The following NPAS3 variants were observed in gnomAD, a reference collection of about 807,000 sequenced individuals.
NPAS3 encodes neuronal PAS domain-containing protein 3.
In NPAS3, 14 loss-of-function variants were observed where a neutral mutation model predicts 73.1. The observed-to-expected ratio is 0.19, with a 90% CI of 0.13 to 0.30. The LOEUF (loss-of-function observed/expected upper bound fraction) is 0.30, where lower values mean the gene tolerates loss of function less well. Ranked by LOEUF, NPAS3 falls within the 10% of genes least tolerant of loss-of-function variation. The pLI, the probability that NPAS3 is intolerant of heterozygous loss-of-function variation, is 1.00. For missense variants in NPAS3, 1,096 were observed against 1,250.0 expected, an observed-to-expected ratio of 0.88 and a Z score of 1.86; for synonymous variants, 620 against 541.5, an observed-to-expected ratio of 1.14 and a Z score of -2.01.
chr14:33,554,600 C>A (rs2139715277), intron 4 of NPAS3, among the ~76,000 whole-genome samples: 1 of 152,318 alleles, frequency 6.6e-6, no homozygotes, highest in East Asian at 1.9e-4. Flanking sequence ...TAATTCTTCT[C>A]TCTAACTGGA....
At chr14:33,244,652 G>C (rs1336195847) in intron 3 of NPAS3, among the ~76,000 whole-genome samples, 2 of 152,058 alleles carry the variant, frequency 1.3e-5, no homozygotes, top group African/African-American at 4.8e-5. Context: ...GAGGCTAAAT[G>C]GCCTCTAAGT....
At chr14:33,476,953 T>C (rs2139667825) in intron 4 of NPAS3, among the ~76,000 whole-genome samples, 1 of 152,290 alleles carries the variant, frequency 6.6e-6, no homozygotes, top group South Asian at 2.1e-4. Flanking sequence ...CTTTCTAAAA[T>C]CTTAAGAGGC....
At chr14:33,302,025 G>C (rs1192266177) in intron 3 of NPAS3, among the ~76,000 whole-genome samples, 1 of 152,052 alleles carries the variant, frequency 6.6e-6, no homozygotes, top group East Asian at 1.9e-4. Flanking sequence ...CCTCCGGAGG[G>C]GTGGCTTATG....
At chr14:33,521,663 A>G (rs2053562412) in intron 4 of NPAS3, among the ~76,000 whole-genome samples, 1 of 152,104 alleles carries the variant, frequency 6.6e-6, no homozygotes, top group African/African-American at 2.4e-5. Flanking sequence ...TCATTCTTGT[A>G]TTGACCATTT....
At chr14:33,183,680 G>A (rs1458950258) in intron 2 of NPAS3, among the ~76,000 whole-genome samples, 1 of 151,722 alleles carries the variant, frequency 6.6e-6, no homozygotes, top group Non-Finnish European at 1.5e-5. Flanking sequence ...TAGTCTTCAT[G>A]GAATTCAGAG....
chr14:33,778,684 G>A, intron 9 of NPAS3, 112 bp downstream of exon 9: 1 of 702,718 alleles, frequency 1.4e-6, no homozygotes, highest in South Asian at 1.6e-5. Context: ...CATTTCAGAT[G>A]ACTGTCAGTG....
At chr14:32,987,701 G>A (rs2038153972) in intron 1 of NPAS3, among the ~76,000 whole-genome samples, 1 of 152,064 alleles carries the variant, frequency 6.6e-6, no homozygotes, top group African/African-American at 2.4e-5. Flanking sequence ...AAACTTAAAA[G>A]TGTAAATTTT....
chr14:33,642,133 C>T (rs1340822093), intron 5 of NPAS3, among the ~76,000 whole-genome samples: 1 of 152,062 alleles, frequency 6.6e-6, no homozygotes, highest in Admixed American at 6.5e-5. Flanking sequence ...CAGAGGGCAG[C>T]GCTGAAGTTT....
chr14:33,402,113 G>T lies in NPAS3; in HGVS notation c.468+34845G>T, dbSNP rs114512340. Among the ~76,000 whole-genome samples the T allele has an allele frequency of 4.7e-3, 712 of 151,958 alleles. 5 individuals carry two copies. Among genetic ancestry groups the T allele is most frequent in the African/African-American group, 0.016 (659 of 41,456 alleles). ...AGTCTGTTGCCCAGTAGACATTCTT[G>T]GTACAAAGTCCTTCTATGGGTCTGA... On this transcript the variant is annotated intron_variant, in intron 4 of 11. Coordinates refer to ENST00000356141, the Ensembl canonical transcript of NPAS3.
chr14:33,507,845 TAC>T (rs1193314162), intron 4 of NPAS3, among the ~76,000 whole-genome samples: 3 of 152,068 alleles, frequency 2.0e-5, no homozygotes, highest in Non-Finnish European at 4.4e-5. Flanking sequence ...TTGTTCATGG[TAC>T]ACACACATAA....
At chr14:33,006,659 G>A (rs1373181342) in intron 1 of NPAS3, among the ~76,000 whole-genome samples, 1 of 152,152 alleles carries the variant, frequency 6.6e-6, no homozygotes, top group African/African-American at 2.4e-5. Context: ...AATGCAATGG[G>A]TGGACTCATT....
intron 3 of NPAS3, among the ~76,000 whole-genome samples, chr14:33,308,710 G>A (rs1405461068): frequency 4.0e-5 from 6 of 151,330 alleles, no homozygotes; most frequent in South Asian, 2.1e-4. Flanking sequence ...TAATTTTCCC[G>A]GTTGATCTTT....
At chr14:33,430,097 A>G (rs1186907750) in intron 4 of NPAS3, among the ~76,000 whole-genome samples, 2 of 152,010 alleles carry the variant, frequency 1.3e-5, no homozygotes, top group Admixed American at 1.3e-4. Flanking sequence ...TATTTTAAAA[A>G]CCTCAGGAAA....
intron 3 of NPAS3, among the ~76,000 whole-genome samples, chr14:33,267,900 C>T (rs1042309336): frequency 1.2e-4 from 18 of 152,294 alleles, no homozygotes; most frequent in African/African-American, 2.9e-4. Flanking sequence ...AAGAGCCAGT[C>T]GTACTCACTC....
chr14:33,773,835 T>C lies in NPAS3; in HGVS notation c.853-502T>C, dbSNP rs373310314. Among the ~76,000 whole-genome samples, 7 of 152,332 alleles carry C rather than the reference T, an allele frequency of 4.6e-5. No individual in the cohort carries two copies. In the South Asian group the frequency reaches 1.5e-3, roughly 32 times the overall value. The stretch of plus-strand genomic sequence containing the variant: ...ATCTATCCTTGAAAGAACCCATTCA[T>C]GTCATTGCCACTGAGTGTTTTATTC... On this transcript the variant is annotated intron_variant, in intron 7 of 11. Transcript: ENST00000356141.
chr14:33,149,629 A>G (rs17100244), intron 2 of NPAS3, among the ~76,000 whole-genome samples: 8,990 of 152,248 alleles, frequency 0.059, 863 homozygotes, highest in African/African-American at 0.2. Flanking sequence ...TTCCTTTAGT[A>G]GTGTCCTAAC....
chr14:33,030,055 G>C lies in NPAS3; in HGVS notation c.51-25850G>C, dbSNP rs553167762. On this transcript the variant is annotated intron_variant, in intron 1 of 11. Coordinates refer to ENST00000356141, the Ensembl canonical transcript of NPAS3. ...TAATAAATGCAAATCTAAAATGCTG[G>C]CATTGTAGCTTTAAAAATATGCATA... Among the ~76,000 whole-genome samples the C allele has an allele frequency of 3.3e-5, 5 of 152,252 alleles. No individual in the cohort carries two copies. The East Asian group carries it at 9.7e-4, about 29-fold the overall frequency.
intron 4 of NPAS3, among the ~76,000 whole-genome samples, chr14:33,550,734 A>G (rs2055071621): frequency 6.6e-6 from 1 of 152,246 alleles, no homozygotes; most frequent in African/African-American, 2.4e-5. Flanking sequence ...GGTCCATCAG[A>G]ATAATTAACT....
At chr14:33,468,884 A>G (rs1191782165) in intron 4 of NPAS3, among the ~76,000 whole-genome samples, 1 of 152,210 alleles carries the variant, frequency 6.6e-6, no homozygotes, top group Admixed American at 6.5e-5. Flanking sequence ...GCATTCTAGT[A>G]AAACTTCATT....
Sources: gnomAD v4.1 joint callset for allele counts (sites outside exome capture counted in the v4.1 genomes callset) on GRCh38, gnomAD v4.1.1 for gene constraint, MANE v1.5 for transcripts, NCBI Gene and HGNC (gene_info 2026-07-23, HGNC 2026-07-21) for gene names.